Variants in KIAA1328 observed in about 807,000 individuals in gnomAD.
KIAA1328 encodes the protein protein hinderin.
A neutral mutation model predicts 68.1 loss-of-function variants in KIAA1328; 52 were observed. The observed-to-expected ratio is 0.76, with a 90% CI of 0.61 to 0.96. The LOEUF (loss-of-function observed/expected upper bound fraction) is 0.96, where lower values mean the gene tolerates loss of function less well. Among genes scored for constraint, KIAA1328 ranks in the 40% least tolerant of loss-of-function variants. The pLI, the probability that KIAA1328 is intolerant of heterozygous loss-of-function variation, is 0.00. For synonymous variants in KIAA1328, 232 were observed against 239.4 expected, an observed-to-expected ratio of 0.97 and a Z score of 0.28; for missense variants, 641 against 677.6, an observed-to-expected ratio of 0.95 and a Z score of 0.60.
intron 5 of KIAA1328, among the ~76,000 whole-genome samples, chr18:36,915,015 T>G (rs757492655): frequency 1.3e-5 from 2 of 152,200 alleles, no homozygotes; most frequent in Non-Finnish European, 2.9e-5. Context: ...CTAGCAAGAT[T>G]CTTTGCAGCT....
At chr18:37,127,055 C>A (rs767829248) in intron 7 of KIAA1328, among the ~76,000 whole-genome samples, 3 of 152,076 alleles carry the variant, frequency 2.0e-5, no homozygotes, top group Non-Finnish European at 2.9e-5. Flanking sequence ...GACTTCTATT[C>A]GGCATTGCAC....
At chr18:37,027,988 T>C (rs1416591226) in intron 6 of KIAA1328, among the ~76,000 whole-genome samples, 1 of 152,108 alleles carries the variant, frequency 6.6e-6, no homozygotes, top group African/African-American at 2.4e-5. Flanking sequence ...ATCCAGAATC[T>C]ACAAAGAACT....
chr18:36,927,757 CAAAT>C (rs1568174764), intron 5 of KIAA1328, among the ~76,000 whole-genome samples: 1 of 141,408 alleles, frequency 7.1e-6, no homozygotes, highest in South Asian at 2.2e-4. Context: ...GACCCTGTCT[CAAAT>C]AAAGAAAGAA....
chr18:37,056,915 T>C (rs957834209), intron 6 of KIAA1328, among the ~76,000 whole-genome samples: 4 of 152,192 alleles, frequency 2.6e-5, no homozygotes, highest in African/African-American at 7.2e-5. Flanking sequence ...AGTACTGGGA[T>C]TACAGGCATG....
chr18:36,910,797 G>A (rs1252671497), intron 5 of KIAA1328, among the ~76,000 whole-genome samples: 6 of 151,796 alleles, frequency 4.0e-5, no homozygotes, highest in South Asian at 2.1e-4. Flanking sequence ...CTTTTATTTC[G>A]TTGAGCAGTG....
chr18:37,084,277 A>G, intron 7 of KIAA1328: 1 of 1,124,766 alleles, frequency 8.9e-7, no homozygotes, highest in East Asian at 2.8e-5. Context: ...AAGGGCATAA[A>G]TATTTAGGAT....
intron 6 of KIAA1328, among the ~76,000 whole-genome samples, chr18:37,045,169 T>A (rs2055416389): frequency 6.6e-6 from 1 of 152,222 alleles, no homozygotes; most frequent in Admixed American, 6.5e-5. Context: ...TATACCTTTA[T>A]AATAAATACC....
intron 6 of KIAA1328, among the ~76,000 whole-genome samples, chr18:36,992,540 T>C (rs968135688): frequency 1.3e-5 from 2 of 151,750 alleles, no homozygotes; most frequent in African/African-American, 4.9e-5. Context: ...AAATGTTGCA[T>C]GTTCCTCTTT....
chr18:36,967,934 C>T (rs9949826), intron 6 of KIAA1328, among the ~76,000 whole-genome samples: 90,627 of 152,004 alleles, frequency 0.6, 28,866 homozygotes, highest in East Asian at 0.87. Flanking sequence ...TATAGGATTA[C>T]GTAAAGAGAC....
chr18:37,114,174 A>C (rs1273443845), intron 7 of KIAA1328, among the ~76,000 whole-genome samples: 1 of 152,234 alleles, frequency 6.6e-6, no homozygotes, highest in African/African-American at 2.4e-5. Context: ...AGACATCTAC[A>C]GAACTCTCCA....
intron 6 of KIAA1328, among the ~76,000 whole-genome samples, chr18:37,019,595 TG>T (rs1216063465): frequency 6.6e-6 from 1 of 152,234 alleles, no homozygotes; most frequent in Non-Finnish European, 1.5e-5. Context: ...GAAACCTCCT[TG>T]GCTCCAAGTT....
intron 8 of KIAA1328, among the ~76,000 whole-genome samples, chr18:37,161,214 GTCATGCAACCTACTTT>G (rs2059271887): frequency 6.6e-6 from 1 of 152,044 alleles, no homozygotes; most frequent in Admixed American, 6.6e-5. Context: ...TACCTCTGGT[GTCATGCAACCTACTTT>G]TCATAATCTC....
intron 9 of KIAA1328, among the ~76,000 whole-genome samples, chr18:37,173,464 A>C (rs990196953): frequency 6.6e-6 from 1 of 152,236 alleles, no homozygotes; most frequent in Non-Finnish European, 1.5e-5. Context: ...TTAAAGGAAT[A>C]CCAACATTAA....
At chr18:37,140,101 C>A (rs1047782926) in intron 7 of KIAA1328, among the ~76,000 whole-genome samples, 4 of 152,060 alleles carry the variant, frequency 2.6e-5, no homozygotes, top group Admixed American at 1.3e-4. Flanking sequence ...AGGTATTTAA[C>A]TTTGCCTCCC....
intron 7 of KIAA1328, among the ~76,000 whole-genome samples, chr18:37,115,356 G>C (rs1192207442): frequency 6.6e-6 from 1 of 152,028 alleles, no homozygotes; most frequent in African/African-American, 2.4e-5. Context: ...AAGGCTGGTT[G>C]AACATACACA....
chr18:37,047,965 G>A (rs1029426060), intron 6 of KIAA1328, among the ~76,000 whole-genome samples: 1 of 151,984 alleles, frequency 6.6e-6, no homozygotes, highest in Admixed American at 6.5e-5. Context: ...ATAATATTTT[G>A]GTTATGCATA....
chr18:36,885,054 A>G (rs2150981212), intron 4 of KIAA1328, among the ~76,000 whole-genome samples: 1 of 152,152 alleles, frequency 6.6e-6, no homozygotes, highest in Admixed American at 6.5e-5. Flanking sequence ...TACTATTTAT[A>G]TGCTACTAAA....
intron 6 of KIAA1328, among the ~76,000 whole-genome samples, chr18:37,010,304 A>G (rs771404218): frequency 2.6e-4 from 39 of 151,990 alleles, no homozygotes; most frequent in Non-Finnish European, 5.0e-4. Context: ...TTACCTGGGT[A>G]TGGTGGCAGG....
intron 7 of KIAA1328, among the ~76,000 whole-genome samples, chr18:37,139,669 C>T (rs1480512007): frequency 1.3e-5 from 2 of 152,202 alleles, no homozygotes; most frequent in Admixed American, 6.5e-5. Context: ...CTCATTGTCT[C>T]ATCCCTGCAT....
Sources: allele counts gnomAD v4.1 joint callset (sites outside exome capture counted in the v4.1 genomes callset), GRCh38; gene constraint gnomAD v4.1.1; transcripts MANE v1.5; gene names NCBI Gene and HGNC (gene_info 2026-07-23, HGNC 2026-07-21).